BSN: variants seen among roughly 807,000 people sequenced by gnomAD.
BSN encodes the protein protein bassoon.
BSN carries 57 observed loss-of-function variants against 264.8 expected under a neutral mutation model. That is an observed-to-expected ratio of 0.22 (90% CI 0.17 to 0.27). The LOEUF (loss-of-function observed/expected upper bound fraction) is 0.27. Ranked by LOEUF, BSN falls within the 10% of genes least tolerant of loss-of-function variation. BSN has a pLI of 1.00. For missense variants in BSN, 4,615 were observed against 5,232.5 expected (o/e 0.88, Z 3.64); for synonymous variants, 2,059 against 2,137.3 (o/e 0.96, Z 1.01).
Position 49,624,299 on chromosome 3 carries a change from C to CATTTTTTTTTTTT in BSN, c.225-676_225-675insATTTTTTTTTTTT, listed in dbSNP as rs1427835739. On this transcript the variant is annotated intron_variant, in intron 1 of 11. Transcript: ENST00000296452. ...TCCAGGCGTGAGCCAACGTGCCCAG[C>CATTTTTTTTTTTT]CTTTTTTTTTTTTTTTTTAGACAGG... is the stretch of plus-strand genomic sequence containing the variant. 1.2e-3 allele frequency among the ~76,000 whole-genome samples: 29 copies of CATTTTTTTTTTTT among 23,352 alleles called. 1 individual carries two copies. The East Asian group carries it at 0.12, about 96-fold the overall frequency. The allele number at this position is 23,352 out of a possible 152,430, so 15.3% of individuals were successfully genotyped here. A position where few individuals can be genotyped will look rare whatever the true frequency, so the allele number is the denominator to read the frequency against.
chr3:49,650,316 A>C (rs573478552), intron 3 of BSN, among the ~76,000 whole-genome samples: 2 of 152,186 alleles, frequency 1.3e-5, no homozygotes, highest in South Asian at 4.2e-4. Context: ...AGGCCCTCCC[A>C]TCCCCCACAG....
At position 49,605,501 on chromosome 3, in the gene BSN, TATATATTATATA is replaced by T. The variant is rs1387507107; in HGVS notation, c.225-19467_225-19456del. On this transcript the variant is annotated intron_variant, in intron 1 of 11. Transcript: ENST00000296452. ...ATTATATAATATATATTATATATAA[TATATATTATATA>T]ATATATATATAATATATAATATATA... is the stretch of plus-strand genomic sequence containing the variant. 5.4e-3 allele frequency among the ~76,000 whole-genome samples: 32 copies of T among 5,902 alleles called. 1 individual carries two copies. The highest frequency in any genetic ancestry group is 0.023 in the African/African-American group (32 of 1,414). 3.9% of individuals were successfully genotyped at this position (5,902 alleles called of 152,430 possible).
At chr3:49,587,084 C>T (rs192972068) in intron 1 of BSN, among the ~76,000 whole-genome samples, 149 of 152,022 alleles carry the variant, frequency 9.8e-4, no homozygotes, top group Non-Finnish European at 1.9e-3. Context: ...CAATTTAATT[C>T]TTCAGTGTTT....
chr3:49,576,653 C>G (rs1326108618), intron 1 of BSN, among the ~76,000 whole-genome samples: 1 of 152,076 alleles, frequency 6.6e-6, no homozygotes, highest in African/African-American at 2.4e-5. Context: ...AACTCCTGGC[C>G]TCAGGTGATT....
chr3:49,593,788 G>GTTTTTTTTTTT (rs2051998608), intron 1 of BSN, among the ~76,000 whole-genome samples: 1 of 137,418 alleles, frequency 7.3e-6, no homozygotes, highest in African/African-American at 2.7e-5. Context: ...TTTTTTTTTT[G>GTTTTTTTTTTT]TTTTGTTTTG....
chr3:49,630,021 C>T (rs890593326), intron 2 of BSN, among the ~76,000 whole-genome samples: 2 of 152,252 alleles, frequency 1.3e-5, no homozygotes, highest in African/African-American at 4.8e-5. Flanking sequence ...AGTGCAGTGG[C>T]TCCGAGCCTC....
intron 1 of BSN, among the ~76,000 whole-genome samples, chr3:49,574,069 C>T (rs2051820677): frequency 6.6e-6 from 1 of 152,102 alleles, no homozygotes; most frequent in Non-Finnish European, 1.5e-5. Flanking sequence ...CTCACCTCAT[C>T]CTCCCAAGTA....
At chr3:49,593,175 T>G (rs1210686044) in intron 1 of BSN, among the ~76,000 whole-genome samples, 1 of 152,212 alleles carries the variant, frequency 6.6e-6, no homozygotes, top group East Asian at 1.9e-4. Context: ...GGGGTTGGCT[T>G]TTTTCACTCA....
Position 49,655,367 on chromosome 3 carries a change from C to G in BSN, c.5811C>G (p.Ser1937Arg), listed in dbSNP as rs1343835156. ...SMADAAPPGQ[S>R]SSPFYGPRDP... ...CAGATGCTGCCCCACCTGGCCAAAGCAGCAGCCCCTTCTATGGTCCCCGGG... is the reference window on the plus strand; with the variant it reads ...CAGATGCTGCCCCACCTGGCCAAAGGAGCAGCCCCTTCTATGGTCCCCGGG... The change falls in exon 5 of 12, where the codon AGC (serine) becomes AGG (arginine). Residue 1937 changes from serine (S) to arginine (R), a missense_variant. Coordinates refer to ENST00000296452, the MANE Select transcript of BSN (RefSeq NM_003458.4). The G allele has an allele frequency of 1.2e-5, 19 of 1,590,934 alleles. No homozygotes were observed. The highest frequency in any genetic ancestry group is 1.5e-5 in the Non-Finnish European group (17 of 1,168,196).
At chr3:49,572,183 A>G (rs1261791896) in intron 1 of BSN, among the ~76,000 whole-genome samples, 1 of 152,226 alleles carries the variant, frequency 6.6e-6, no homozygotes. Context: ...AGTTTATAAC[A>G]TGATGGAGAT....
At chr3:49,635,395 G>A (rs1403753669) in intron 2 of BSN, among the ~76,000 whole-genome samples, 2 of 152,098 alleles carry the variant, frequency 1.3e-5, no homozygotes, top group Non-Finnish European at 2.9e-5. Context: ...GAGCAGTAGT[G>A]GGGAGTCAAC....
chr3:49,618,580 T>C (rs960831425), intron 1 of BSN, among the ~76,000 whole-genome samples: 1 of 151,944 alleles, frequency 6.6e-6, no homozygotes, highest in Non-Finnish European at 1.5e-5. Flanking sequence ...ACACGATTGC[T>C]GGGAGCTGTT....
In BSN at chr3:49,652,929, G is replaced by C. The variant is rs776182411; in HGVS notation, c.3373G>C (p.Glu1125Gln). 1 of 1,610,736 alleles carries C rather than the reference G, an allele frequency of 6.2e-7. No homozygotes were observed. The highest frequency in any genetic ancestry group is 8.5e-7 in the Non-Finnish European group (1 of 1,178,170). ...GGAGCTACACCGCTCCTCCTGCTCT[G>C]AGTACTCACCCTCACCCTCCCTTGA... ...MEELHRSSCS[E>Q]YSPSPSLDSE... is the part of the protein sequence containing the mutation. The change falls in exon 5 of 12, where the codon GAG (glutamate) becomes CAG (glutamine). Residue 1125 changes from glutamate (E) to glutamine (Q), a missense_variant. Physicochemically the swap from Glu to Gln is conservative, Grantham distance 29. This residue lies in a region of BSN where 3,415 missense variants were observed against 3,866.4 expected (regional missense o/e 0.88). Transcript: ENST00000296452.
chr3:49,554,761 G>T lies in BSN; in HGVS notation c.159G>T (p.Arg53=). Reference sequence around the variant, plus strand: ...AGCTCCCCGCGGCGGGAGCAGCGCGGTCGACCGCGGTACCACCGGTCCCTG... The same window carrying T: ...AGCTCCCCGCGGCGGGAGCAGCGCGTTCGACCGCGGTACCACCGGTCCCTG... ...GGQLPAAGAA[R]STAVPPVPGP... The change falls in exon 1 of 12, where the codon CGG becomes CGT. Residue 53 remains arginine, a synonymous_variant. Coordinates refer to ENST00000296452, the MANE Select transcript of BSN (RefSeq NM_003458.4). The T allele has an allele frequency of 8.1e-7, 1 of 1,230,324 alleles. No individual in the cohort carries two copies. Among genetic ancestry groups the T allele is most frequent in the Non-Finnish European group, 1.0e-6 (1 of 986,226 alleles). 76.2% of individuals were successfully genotyped at this position (1,230,324 alleles called of 1,614,324 possible). A position where few individuals can be genotyped will look rare whatever the true frequency, so the allele number is the denominator to read the frequency against.
At chr3:49,582,456 C>A (rs1408138768) in intron 1 of BSN, among the ~76,000 whole-genome samples, 1 of 152,188 alleles carries the variant, frequency 6.6e-6, no homozygotes, top group Admixed American at 6.5e-5. Context: ...ACTACAGGCC[C>A]AGCTGAAATG....
At chr3:49,576,477 G>A (rs1477677599) in intron 1 of BSN, among the ~76,000 whole-genome samples, 2 of 150,272 alleles carry the variant, frequency 1.3e-5, no homozygotes, top group Non-Finnish European at 3.0e-5. Flanking sequence ...CTGGAATGCA[G>A]TGGCACGATC....
rs1402279143 is a variant in BSN, at chr3:49,661,985, C to T, written c.10140C>T (p.Asp3380=). 3 of 1,613,970 alleles carry T rather than the reference C, an allele frequency of 1.9e-6. No individual in the cohort carries two copies. The highest frequency in any genetic ancestry group is 2.5e-6 in the Non-Finnish European group (3 of 1,180,038). ...TCTCGCCTATTGAAGAGGCCAAAGA[C>T]GTAGAGTCAGACCTGGCGTCCTACC... ...SKFSPIEEAK[D]VESDLASYPP... Residue 3380 remains aspartate, a synonymous_variant, in exon 6 of 12, where the codon GAC becomes GAT. Transcript: ENST00000296452.
In BSN at chr3:49,617,902, A is replaced by G. The variant is rs541365044; in HGVS notation, c.225-7073A>G. On this transcript the variant is annotated intron_variant, in intron 1 of 11. Transcript: ENST00000296452. Reference sequence around the variant, plus strand: ...TGGGCATTTATGGTGTGTGGCACTCATAGGTGTAGCCTTTCTTCCTGTGAC... The same window carrying G: ...TGGGCATTTATGGTGTGTGGCACTCGTAGGTGTAGCCTTTCTTCCTGTGAC... Among the ~76,000 whole-genome samples, 15 of 152,266 alleles carry G rather than the reference A, an allele frequency of 9.9e-5. No individual in the cohort carries two copies. In the East Asian group the frequency reaches 1.7e-3, roughly 18 times the overall value.
chr3:49,580,253 G>A (rs2051885630), intron 1 of BSN, among the ~76,000 whole-genome samples: 1 of 151,778 alleles, frequency 6.6e-6, no homozygotes, highest in African/African-American at 2.4e-5. Flanking sequence ...ATTTATGTGT[G>A]GTTTTGATAT....
Sources: gnomAD v4.1 joint callset for allele counts (sites outside exome capture counted in the v4.1 genomes callset) on GRCh38, gnomAD v4.1.1 for gene constraint, gnomAD v4.1.1 regional missense constraint, MANE v1.5 for transcripts, NCBI Gene and HGNC (gene_info 2026-07-23, HGNC 2026-07-21) for gene names.